The following RNF157 variants were observed in gnomAD, a reference collection of about 807,000 sequenced individuals.
RNF157 encodes E3 ubiquitin ligase RNF157.
In RNF157, 55 loss-of-function variants were observed where a neutral mutation model predicts 88.3. That is an observed-to-expected ratio of 0.62 (90% confidence interval 0.50 to 0.78). RNF157 has a LOEUF of 0.78. Ranked by LOEUF, RNF157 falls within the 30% of genes least tolerant of loss-of-function variation. RNF157 has a pLI of 0.00. For synonymous variants in RNF157, 334 were observed against 341.2 expected (o/e 0.98, Z 0.23); for missense variants, 788 against 860.8 (o/e 0.92, Z 1.06).
At chr17:76,149,713 C>A (rs2068643624) in intron 18 of RNF157, among the ~76,000 whole-genome samples, 1 of 152,098 alleles carries the variant, frequency 6.6e-6, no homozygotes, top group Non-Finnish European at 1.5e-5. Flanking sequence ...TCACTTTCAC[C>A]CAACTACTGA....
chr17:76,226,373 G>A, intron 1 of RNF157: 1 of 1,594,190 alleles, frequency 6.3e-7, no homozygotes, highest in Non-Finnish European at 8.6e-7. Context: ...TAAACTTTCT[G>A]GGAGATGGCC....
rs767368705 is a variant in RNF157 at position 76,161,699 on chromosome 17, G to A, written c.953-52C>T. ...GACATCCTGATACAGGATTAAGAATGAACAAGAGCCCAGACAGAAACCATG... is the reference window on the plus strand; with the variant it reads ...GACATCCTGATACAGGATTAAGAATAAACAAGAGCCCAGACAGAAACCATG... On this transcript the variant is annotated intron_variant, in intron 10 of 18. Transcript: ENST00000269391. The surrounding 1 kb of genome is among the most constrained non-coding windows in gnomAD (Gnocchi z 4.6). 17 of 1,554,628 alleles carry A rather than the reference G, an allele frequency of 1.1e-5. No individual in the cohort carries two copies. In the South Asian group the frequency reaches 1.6e-4, roughly 14 times the overall value.
intron 8 of RNF157, 59 bp downstream of exon 8, chr17:76,164,688 GA>G: frequency 1.0e-6 from 1 of 987,972 alleles, no homozygotes; most frequent in Non-Finnish European, 1.5e-6. Context: ...AAGAAGAAAG[GA>G]AAGAATAAAA....
At chr17:76,217,438 G>A (rs1400918137) in intron 1 of RNF157, among the ~76,000 whole-genome samples, 1 of 152,078 alleles carries the variant, frequency 6.6e-6, no homozygotes, top group African/African-American at 2.4e-5. Context: ...AATGAGAAAA[G>A]CAAATCAGCC....
At chr17:76,233,657 C>G (rs1345505011) in intron 1 of RNF157, among the ~76,000 whole-genome samples, 1 of 152,154 alleles carries the variant, frequency 6.6e-6, no homozygotes, top group African/African-American at 2.4e-5. Context: ...CTGCCTCAAC[C>G]TGCCGAGTAG....
At chr17:76,218,136 G>C (rs1293980272) in intron 1 of RNF157, among the ~76,000 whole-genome samples, 1 of 152,110 alleles carries the variant, frequency 6.6e-6, no homozygotes, top group East Asian at 1.9e-4. Context: ...GTATGAGCCA[G>C]AATGATCAAC....
chr17:76,237,230 A>C (rs1457546778), intron 1 of RNF157, among the ~76,000 whole-genome samples: 2 of 152,272 alleles, frequency 1.3e-5, no homozygotes, highest in Non-Finnish European at 2.9e-5. Context: ...AAAACTAAGA[A>C]GTTCCATTAA....
chr17:76,158,637 C>G lies in RNF157; in HGVS notation c.1305-136G>C. The G allele has an allele frequency of 4.7e-6, 3 of 632,258 alleles. No homozygotes were observed. In the South Asian group the frequency reaches 5.3e-5, roughly 11 times the overall value. The allele number at this position is 632,258 out of a possible 1,614,324, so 39.2% of individuals were successfully genotyped here. A position where few individuals can be genotyped will look rare whatever the true frequency, so the allele number is the denominator to read the frequency against. On this transcript the variant is annotated intron_variant, in intron 12 of 18. Coordinates refer to ENST00000269391, the MANE Select transcript of RNF157 (RefSeq NM_052916.3). ...TTGAGACAGCATCTCATTATGTTTC[C>G]CAGGCTGGGCTGGGACTCCTGGGCT... is the stretch of plus-strand genomic sequence containing the variant.
intron 2 of RNF157, among the ~76,000 whole-genome samples, chr17:76,206,943 C>T: frequency 6.6e-6 from 1 of 152,202 alleles, no homozygotes; most frequent in African/African-American, 2.4e-5. Flanking sequence ...GTCAGAACTA[C>T]CTCCATGCTA....
At chr17:76,155,539 G>T (rs1467071244) in intron 15 of RNF157, 23 bp downstream of exon 15, 1 of 1,607,826 alleles carries the variant, frequency 6.2e-7, no homozygotes, top group Non-Finnish European at 8.5e-7. Context: ...AGAAGCCAGG[G>T]CGGTTCCCGT....
chr17:76,185,161 T>C (rs2069259317), intron 2 of RNF157, among the ~76,000 whole-genome samples: 1 of 152,144 alleles, frequency 6.6e-6, no homozygotes, highest in African/African-American at 2.4e-5. Flanking sequence ...TCCCACTCTG[T>C]CATTAAACAC....
chr17:76,220,881 C>T (rs759698353), intron 1 of RNF157, among the ~76,000 whole-genome samples: 3 of 151,248 alleles, frequency 2.0e-5, no homozygotes. Context: ...TCACTTGAAC[C>T]GGGGAGGCAG....
chr17:76,222,991 C>G (rs532574318), intron 1 of RNF157, among the ~76,000 whole-genome samples: 4 of 151,644 alleles, frequency 2.6e-5, no homozygotes, highest in Non-Finnish European at 5.9e-5. Context: ...CCTGGGTTCA[C>G]GCCGTTCTCC....
chr17:76,228,080 G>A (rs1401288556), intron 1 of RNF157, among the ~76,000 whole-genome samples: 1 of 151,598 alleles, frequency 6.6e-6, no homozygotes, highest in African/African-American at 2.4e-5. Flanking sequence ...AGACTTTGTG[G>A]GGTTTTTTTC....
At chr17:76,177,711 A>C (rs2069127299) in intron 2 of RNF157, among the ~76,000 whole-genome samples, 1 of 152,056 alleles carries the variant, frequency 6.6e-6, no homozygotes, top group South Asian at 2.1e-4. Flanking sequence ...GGCCCATAAA[A>C]GGCCCAGGCT....
At chr17:76,174,992 A>G (rs2069080785) in intron 2 of RNF157, among the ~76,000 whole-genome samples, 1 of 152,212 alleles carries the variant, frequency 6.6e-6, no homozygotes, top group South Asian at 2.1e-4. Context: ...AAAACTTGAA[A>G]AACACAAAAA....
chr17:76,210,577 C>G (rs1412710660), intron 2 of RNF157, among the ~76,000 whole-genome samples: 7 of 86,422 alleles, frequency 8.1e-5, no homozygotes, highest in East Asian at 7.8e-4. Context: ...GCGACAGAGC[C>G]AGACTCCGTC....
At chr17:76,228,412 G>C (rs2145069593) in intron 1 of RNF157, among the ~76,000 whole-genome samples, 1 of 152,226 alleles carries the variant, frequency 6.6e-6, no homozygotes, top group South Asian at 2.1e-4. Context: ...GTCTCAAGGA[G>C]GCATTCCTCC....
chr17:76,190,572 C>T (rs1378558365), intron 2 of RNF157, among the ~76,000 whole-genome samples: 1 of 149,376 alleles, frequency 6.7e-6, no homozygotes, highest in African/African-American at 2.5e-5. Flanking sequence ...CACTGCACTC[C>T]AGCCTGGGTG....
Sources: gnomAD v4.1 joint callset for allele counts (sites outside exome capture counted in the v4.1 genomes callset) on GRCh38, gnomAD v4.1.1 for gene constraint, Gnocchi (gnomAD v3.1) non-coding constraint, MANE v1.5 for transcripts, NCBI Gene and HGNC (gene_info 2026-07-23, HGNC 2026-07-21) for gene names.